The following PDHA1 variants were observed in gnomAD, a reference collection of about 807,000 sequenced individuals.
The protein encoded by PDHA1 is pyruvate dehydrogenase E1 component subunit alpha, somatic form, mitochondrial.
PDHA1 carries 1 observed loss-of-function variant against 33.0 expected under a neutral mutation model. The ratio of observed to expected loss-of-function variants is 0.03; its 90% CI spans 0.01 to 0.14. PDHA1 has a LOEUF of 0.14. Ranked by LOEUF, PDHA1 falls within the 10% of genes least tolerant of loss-of-function variation. The pLI, the probability that PDHA1 is intolerant of heterozygous loss-of-function variation, is 1.00. For missense variants in PDHA1, 168 were observed against 325.1 expected, an observed-to-expected ratio of 0.52 and a Z score of 3.72; for synonymous variants, 123 against 119.2, an observed-to-expected ratio of 1.03 and a Z score of -0.21.
chrX:19,349,505 C>T, intron 2 of PDHA1, 134 bp downstream of exon 2: 1 of 503,101 alleles, frequency 2.0e-6, no homozygotes, highest in Non-Finnish European at 3.4e-6. Context: ...ATCAGAAGTT[C>T]AGAGAAGCTT....
At chrX:19,357,757 C>G in intron 9 of PDHA1, 38 bp downstream of exon 9, 3 of 1,058,017 alleles carry the variant, frequency 2.8e-6, no homozygotes, top group Non-Finnish European at 4.0e-6. Context: ...TAGGGGTGGG[C>G]TTTGAATGGT....
At chrX:19,346,978 A>AT (rs927710784) in intron 1 of PDHA1, among the ~76,000 whole-genome samples, 27 of 105,326 alleles carry the variant, frequency 2.6e-4, no homozygotes, top group Non-Finnish European at 3.0e-4. Context: ...TTTTTAATTA[A>AT]TTTTTTTTTT....
intron 8 of PDHA1, among the ~76,000 whole-genome samples, chrX:19,357,229 G>A (rs771792850): frequency 4.0e-4 from 45 of 111,663 alleles, no homozygotes; most frequent in Non-Finnish European, 7.3e-4. Flanking sequence ...CAAGTAGCTG[G>A]GACTACAGGC....
intron 7 of PDHA1, 64 bp downstream of exon 7, chrX:19,355,568 C>T: frequency 3.4e-6 from 4 of 1,164,739 alleles, no homozygotes. Flanking sequence ...TTGTGCAGAC[C>T]CTTGACGATC....
intron 1 of PDHA1, among the ~76,000 whole-genome samples, chrX:19,347,876 A>G (rs1438193232): frequency 8.9e-6 from 1 of 112,430 alleles, no homozygotes; most frequent in Non-Finnish European, 1.9e-5. Flanking sequence ...TGAAACACTG[A>G]TTCCTAGTAT....
At position 19,355,339 on chromosome X, in the gene PDHA1, C is replaced by T. The variant is rs201754585; in HGVS notation, c.604-10C>T. 1,478 of 1,209,772 alleles carry T rather than the reference C, an allele frequency of 1.2e-3. 7 individuals are homozygous for T. In the South Asian group the frequency reaches 0.014, roughly 12 times the overall value. On this transcript the variant is annotated splice_polypyrimidine_tract_variant and intron_variant, in intron 6 of 10. Coordinates refer to ENST00000422285, the MANE Select transcript of PDHA1 (RefSeq NM_000284.4). ...AGCCAAATGAAACCCCTTTTCGTAA[C>T]TACTTCCAGGGCCAGATATTCGAAG...
chrX:19,358,012 A>T (rs1254738279), intron 9 of PDHA1, among the ~76,000 whole-genome samples: 1 of 111,962 alleles, frequency 8.9e-6, no homozygotes, highest in Non-Finnish European at 1.9e-5. Flanking sequence ...ATGGTAGTGT[A>T]GTATCTTGGG....
Position 19,354,551 on chromosome X carries a change from C to G in PDHA1, c.571C>G (p.Leu191Val), listed in dbSNP as rs770603511. Residue 191 changes from leucine to valine, a missense_variant, in exon 6 of 11, where the codon CTG becomes GTG. By Grantham distance (32) the Leu-to-Val change is conservative. This residue lies in a region of PDHA1 where 35 missense variants were observed against 148.5 expected (regional missense o/e 0.24). Coordinates refer to ENST00000422285, the MANE Select transcript of PDHA1 (RefSeq NM_000284.4). ...GTATAATGGAAAAGATGAGGTCTGC[C>G]TGACTTTATATGGCGATGGTGCTGC... ...CKYNGKDEVCLTLYGDGAANQ... is the reference protein window; with the variant it reads ...CKYNGKDEVCVTLYGDGAANQ... 1 of 1,192,438 alleles carries G rather than the reference C, an allele frequency of 8.4e-7. No individual in the cohort carries two copies. Among genetic ancestry groups the G allele is most frequent in the Non-Finnish European group, 1.1e-6 (1 of 877,822 alleles).
Position 19,361,454 on chromosome X carries a change from T to C in PDHA1, c.*1801T>C. On this transcript the variant is annotated 3_prime_UTR_variant, in exon 11 of 11. Coordinates refer to ENST00000422285, the MANE Select transcript of PDHA1 (RefSeq NM_000284.4). ...CAGATCCTTAAGAGCTGAGCAGCTG[T>C]GTAACAACAGCATAAGAATTTCTTT... is the stretch of plus-strand genomic sequence containing the variant. The C allele has an allele frequency of 8.4e-7, 1 of 1,191,419 alleles. No homozygotes were observed. Among genetic ancestry groups the C allele is most frequent in the Non-Finnish European group, 1.1e-6 (1 of 877,461 alleles).
At chrX:19,350,253 C>T (rs1392836323) in intron 3 of PDHA1, 143 bp downstream of exon 3, 20 of 517,378 alleles carry the variant, frequency 3.9e-5, no homozygotes, top group Non-Finnish European at 6.7e-5. Context: ...TTTTTTGAGA[C>T]AGTCTCTCTC....
intron 1 of PDHA1, among the ~76,000 whole-genome samples, chrX:19,344,330 C>A (rs1272982043): frequency 8.8e-6 from 1 of 113,410 alleles, no homozygotes; most frequent in Non-Finnish European, 1.9e-5. Context: ...CACCTCCCGC[C>A]CCCGGGCCCA....
At chrX:19,356,295 T>C (rs1325662725) in intron 8 of PDHA1, among the ~76,000 whole-genome samples, 1 of 111,344 alleles carries the variant, frequency 9.0e-6, no homozygotes, top group Non-Finnish European at 1.9e-5. Flanking sequence ...TTGGCACTAG[T>C]ATAGGCTTAG....
Position 19,358,994 on chromosome X carries a change from C to G in PDHA1, c.978C>G (p.Asn326Lys), listed in dbSNP as rs779045292. 5 of 1,179,468 alleles carry G rather than the reference C, an allele frequency of 4.2e-6. No individual in the cohort carries two copies. The highest frequency in any genetic ancestry group is 5.8e-6 in the Non-Finnish European group (5 of 867,516). Residue 326 changes from asparagine to lysine, a missense_variant, in exon 10 of 11, where the codon AAC becomes AAG. Around this residue, in one of 5 missense-constraint regions of PDHA1, gnomAD observed 58 missense variants for 63.4 expected, o/e 0.92. Coordinates refer to ENST00000422285, the MANE Select transcript of PDHA1 (RefSeq NM_000284.4). Reference sequence around the variant, plus strand: ...TGCTTCTCAAGGACAGGATGGTGAACAGCAATCTTGCCAGTGTGGAAGAAC... The same window carrying G: ...TGCTTCTCAAGGACAGGATGGTGAAGAGCAATCTTGCCAGTGTGGAAGAAC... ...PIMLLKDRMV[N>K]SNLASVEELK...
intron 1 of PDHA1, among the ~76,000 whole-genome samples, chrX:19,345,069 C>G (rs1327320114): frequency 9.0e-6 from 1 of 110,949 alleles, no homozygotes; most frequent in Admixed American, 9.6e-5. Flanking sequence ...GAGTTTAGCA[C>G]TATTTCATGG....
intron 1 of PDHA1, among the ~76,000 whole-genome samples, chrX:19,345,336 T>C (rs1433388238): frequency 1.8e-5 from 2 of 110,008 alleles, no homozygotes; most frequent in African/African-American, 6.6e-5. Context: ...TTTGGGAGGC[T>C]GAGGCAGGTG....
chrX:19,353,017 G>A, intron 4 of PDHA1, 65 bp from the exon 5 acceptor site: 1 of 867,374 alleles, frequency 1.2e-6, no homozygotes, highest in Non-Finnish European at 1.7e-6. Context: ...CATATTTGGG[G>A]TGCGGTTTGG....
At position 19,349,337 on chromosome X, in the gene PDHA1, G is replaced by A. The variant is rs1206898819; in HGVS notation, c.83G>A (p.Arg28His). 1 of 1,188,608 alleles carries A rather than the reference G, an allele frequency of 8.4e-7. No homozygotes were observed. Among genetic ancestry groups the A allele is most frequent in the African/African-American group, 1.7e-5 (1 of 57,451 alleles). The change falls in exon 2 of 11, where the codon CGT (arginine) becomes CAT (histidine). Residue 28 changes from arginine to histidine, a missense_variant. This residue lies in a region of PDHA1 where 46 missense variants were observed against 47.4 expected (regional missense o/e 0.97). Transcript: ENST00000422285. ...KPASRVLVASRNFANDATFEI... is the reference protein window; with the variant it reads ...KPASRVLVASHNFANDATFEI... ...GCAAGCAGAGTGCTGGTAGCATCCC[G>A]TAATTTTGCAAATGATGCTACATTT...
chrX:19,357,450 G>GAGAA (rs1321960907), intron 8 of PDHA1: 18 of 469,657 alleles, frequency 3.8e-5, no homozygotes, highest in African/African-American at 1.7e-4. Context: ...TATTAAAAAT[G>GAGAA]AGAAAGATGA....
chrX:19,353,602 A>C (rs2063176959), intron 5 of PDHA1, among the ~76,000 whole-genome samples: 1 of 111,640 alleles, frequency 9.0e-6, no homozygotes, highest in African/African-American at 3.3e-5. Context: ...CCTGTTGTTA[A>C]GTGACGCGTG....
Sources: allele counts gnomAD v4.1 joint callset (sites outside exome capture counted in the v4.1 genomes callset), GRCh38; gene constraint gnomAD v4.1.1; regional missense constraint gnomAD v4.1.1; transcripts MANE v1.5; gene names NCBI Gene and HGNC (gene_info 2026-07-23, HGNC 2026-07-21).